Variants in BBX observed in about 807,000 individuals in gnomAD.
BBX encodes BBX high mobility group box domain containing, also known as HMG box transcription factor BBX.
A neutral mutation model predicts 100.2 loss-of-function variants in BBX; 30 were observed. The ratio of observed to expected loss-of-function variants is 0.30; its 90% confidence interval spans 0.22 to 0.41. The LOEUF (loss-of-function observed/expected upper bound fraction) is 0.41. Among genes scored for constraint, BBX ranks in the 10% least tolerant of loss-of-function variants. The pLI is 1.00. For missense variants in BBX, 1,023 were observed against 1,129.8 expected, an observed-to-expected ratio of 0.91 and a Z score of 1.35; for synonymous variants, 376 against 388.1, an observed-to-expected ratio of 0.97 and a Z score of 0.37.
At chr3:107,711,159 C>T (rs776130863) in intron 4 of BBX, 28 of 336,622 alleles carry the variant, frequency 8.3e-5, no homozygotes, top group Non-Finnish European at 1.1e-4. Context: ...CTTAAGAAAT[C>T]GTCTCAAGTG....
intron 2 of BBX, among the ~76,000 whole-genome samples, chr3:107,573,123 G>A (rs921802519): frequency 2.6e-5 from 4 of 152,008 alleles, no homozygotes; most frequent in African/African-American, 7.3e-5. Context: ...TAATGTGTAC[G>A]TAGAATAAAT....
chr3:107,771,112 T>C (rs1463245570), intron 10 of BBX, among the ~76,000 whole-genome samples: 1 of 152,180 alleles, frequency 6.6e-6, no homozygotes, highest in Non-Finnish European at 1.5e-5. Flanking sequence ...TGACTAAGAC[T>C]TCCTTGCTGC....
intron 2 of BBX, among the ~76,000 whole-genome samples, chr3:107,546,277 A>T (rs1336500146): frequency 2.0e-5 from 3 of 152,206 alleles, no homozygotes; most frequent in Non-Finnish European, 4.4e-5. Context: ...TTCTCTAGTC[A>T]TTCCTGCCTA....
At chr3:107,728,662 T>G in intron 5 of BBX, 103 bp from the exon 6 acceptor site, 1 of 1,025,656 alleles carries the variant, frequency 9.7e-7, no homozygotes, top group Non-Finnish European at 1.4e-6. Flanking sequence ...ACTGAAATTG[T>G]TTTTCTCACT....
In BBX at chr3:107,755,585, G is replaced by A. The variant is rs747121201; in HGVS notation, c.826-13G>A. The stretch of plus-strand genomic sequence containing the variant: ...ACAACTAATATTCCCTATTTGGATT[G>A]TCTTTAATATAGATTTCTTCAAACA... On this transcript the variant is annotated splice_polypyrimidine_tract_variant and intron_variant, in intron 9 of 17. Transcript: ENST00000325805. The A allele has an allele frequency of 1.9e-6, 3 of 1,609,252 alleles. No individual in the cohort carries two copies. Among genetic ancestry groups the A allele is most frequent in the South Asian group, 1.1e-5 (1 of 90,950 alleles).
intron 2 of BBX, among the ~76,000 whole-genome samples, chr3:107,569,278 A>G (rs2051164430): frequency 6.6e-6 from 1 of 152,222 alleles, no homozygotes. Context: ...TTTGATCACT[A>G]GTTCTCATAT....
intron 2 of BBX, among the ~76,000 whole-genome samples, chr3:107,545,615 A>G (rs1416048169): frequency 6.6e-6 from 1 of 152,110 alleles, no homozygotes; most frequent in Non-Finnish European, 1.5e-5. Context: ...GAAAAATGGT[A>G]ATGCCTTCTT....
At chr3:107,752,499 C>T (rs1282469814) in intron 9 of BBX, among the ~76,000 whole-genome samples, 1 of 152,156 alleles carries the variant, frequency 6.6e-6, no homozygotes, top group Non-Finnish European at 1.5e-5. Context: ...ACAATATTTA[C>T]AATACCGTCA....
At chr3:107,788,252 GGA>G (rs774851359) in intron 13 of BBX, among the ~76,000 whole-genome samples, 60 of 152,282 alleles carry the variant, frequency 3.9e-4, no homozygotes, top group South Asian at 1.7e-3. Flanking sequence ...AATAAGCAAA[GGA>G]GAGAGAGGGA....
At chr3:107,536,824 A>T (rs1404946755) in intron 2 of BBX, among the ~76,000 whole-genome samples, 3 of 152,202 alleles carry the variant, frequency 2.0e-5, no homozygotes, top group Non-Finnish European at 4.4e-5. Flanking sequence ...CAAAGCAAAC[A>T]TGTTCTACTG....
intron 13 of BBX, among the ~76,000 whole-genome samples, chr3:107,782,971 T>C (rs2068055918): frequency 6.6e-6 from 1 of 152,160 alleles, no homozygotes; most frequent in Non-Finnish European, 1.5e-5. Flanking sequence ...TGATTCCTTC[T>C]AAAAGCCCTT....
chr3:107,618,548 G>A (rs940831285), intron 2 of BBX, among the ~76,000 whole-genome samples: 2 of 151,984 alleles, frequency 1.3e-5, no homozygotes, highest in Non-Finnish European at 2.9e-5. Flanking sequence ...ACAGGTTCCC[G>A]TTTGAGCATT....
intron 10 of BBX, among the ~76,000 whole-genome samples, chr3:107,768,857 T>C (rs893337820): frequency 1.3e-5 from 2 of 150,994 alleles, no homozygotes; most frequent in Non-Finnish European, 2.9e-5. Context: ...TAGAAAGATA[T>C]TGCTAAATTG....
At position 107,550,884 on chromosome 3, in the gene BBX, G is replaced by A. The variant is rs144280919; in HGVS notation, c.-84+24486G>A. On this transcript the variant is annotated intron_variant, in intron 2 of 17. Coordinates refer to ENST00000325805, the MANE Select transcript of BBX (RefSeq NM_001142568.3). The stretch of plus-strand genomic sequence containing the variant: ...TAGAGGTAAGTGATATTTTAGAGGC[G>A]GAATTGACAGCACACTAAAGTAAGT... Among the ~76,000 whole-genome samples, 111 of 152,192 alleles carry A rather than the reference G, an allele frequency of 7.3e-4. 1 individual carries two copies. The highest frequency in any genetic ancestry group is 2.5e-3 in the African/African-American group (104 of 41,536).
intron 2 of BBX, among the ~76,000 whole-genome samples, chr3:107,578,970 T>G (rs1047478857): frequency 6.6e-6 from 1 of 152,170 alleles, no homozygotes; most frequent in Admixed American, 6.5e-5. Context: ...GATTTAAATA[T>G]TGGCCCACTA....
At chr3:107,647,094 C>T (rs1443974916) in intron 3 of BBX, among the ~76,000 whole-genome samples, 3 of 151,986 alleles carry the variant, frequency 2.0e-5, no homozygotes, top group Admixed American at 6.6e-5. Flanking sequence ...ACACTTGTTA[C>T]AAATATTAAT....
intron 3 of BBX, among the ~76,000 whole-genome samples, chr3:107,679,888 CTTG>C (rs1171166539): frequency 6.6e-6 from 1 of 152,136 alleles, no homozygotes; most frequent in East Asian, 1.9e-4. Context: ...TTACTTAACC[CTTG>C]TTGTCTCATT....
chr3:107,544,210 G>A (rs1394464291), intron 2 of BBX, among the ~76,000 whole-genome samples: 2 of 152,260 alleles, frequency 1.3e-5, no homozygotes, highest in East Asian at 1.9e-4. Context: ...GGGCAGCTGC[G>A]ACTCTATTCT....
chr3:107,715,087 C>G (rs1411417167), intron 4 of BBX, among the ~76,000 whole-genome samples: 3 of 152,038 alleles, frequency 2.0e-5, no homozygotes, highest in Non-Finnish European at 4.4e-5. Context: ...CTGGCCAAGA[C>G]TTTTTAAAAA....
Sources: allele counts gnomAD v4.1 joint callset (sites outside exome capture counted in the v4.1 genomes callset), GRCh38; gene constraint gnomAD v4.1.1; transcripts MANE v1.5; gene names NCBI Gene and HGNC (gene_info 2026-07-23, HGNC 2026-07-21).